Variants in PCDH7 observed in about 807,000 individuals in gnomAD.
PCDH7 encodes the protein protocadherin-7.
PCDH7 carries 17 observed loss-of-function variants against 58.9 expected under a neutral mutation model. The observed-to-expected ratio is 0.29, with a 90% CI of 0.20 to 0.43. The LOEUF is 0.43. Among genes scored for constraint, PCDH7 ranks in the 20% least tolerant of loss-of-function variants. The probability of loss-of-function intolerance (pLI) is 1.00; values close to 1 mark genes in which losing one functional copy is unlikely to be tolerated. For synonymous variants in PCDH7, 664 were observed against 616.4 expected, an observed-to-expected ratio of 1.08 and a Z score of -1.14; for missense variants, 1,274 against 1,441.0, an observed-to-expected ratio of 0.88 and a Z score of 1.88.
At chr4:30,744,317 A>G (rs1021100678) in intron 1 of PCDH7, among the ~76,000 whole-genome samples, 9 of 152,352 alleles carry the variant, frequency 5.9e-5, no homozygotes, top group Non-Finnish European at 1.2e-4. Flanking sequence ...TCCTTGATTC[A>G]TATAACTAAA....
At chr4:31,019,676 A>G (rs1753879591) in intron 3 of PCDH7, among the ~76,000 whole-genome samples, 1 of 151,260 alleles carries the variant, frequency 6.6e-6, no homozygotes, top group Non-Finnish European at 1.5e-5. Flanking sequence ...GGACAGAGCG[A>G]GACTCTGTCA....
chr4:30,960,112 GGGAAGGAAGGAA>G (rs796354089), intron 3 of PCDH7, among the ~76,000 whole-genome samples: 7 of 65,796 alleles, frequency 1.1e-4, no homozygotes, highest in South Asian at 7.8e-4. Context: ...AAAGGAAGGA[GGGAAGGAAGGAA>G]GGAAGGAAGG....
intron 2 of PCDH7, among the ~76,000 whole-genome samples, chr4:30,942,544 C>T (rs943713693): frequency 6.6e-6 from 1 of 152,060 alleles, no homozygotes; most frequent in South Asian, 2.1e-4. Flanking sequence ...ATCTGAGGAC[C>T]TCAAAGACTT....
intron 3 of PCDH7, among the ~76,000 whole-genome samples, chr4:31,001,545 C>T (rs923608288): frequency 6.6e-6 from 1 of 151,692 alleles, no homozygotes; most frequent in African/African-American, 2.4e-5. Context: ...ACCATCATAC[C>T]CACACACACA....
At chr4:30,977,682 T>TA (rs1313540997) in intron 3 of PCDH7, among the ~76,000 whole-genome samples, 7 of 152,032 alleles carry the variant, frequency 4.6e-5, no homozygotes, top group African/African-American at 7.2e-5. Context: ...TTGGAGCTCC[T>TA]ATTATTCATT....
intron 1 of PCDH7, among the ~76,000 whole-genome samples, chr4:30,744,785 C>T (rs1717552779): frequency 6.6e-6 from 1 of 152,158 alleles, no homozygotes; most frequent in South Asian, 2.1e-4. Context: ...TCACATTCCT[C>T]CTTTACATTT....
intron 3 of PCDH7, among the ~76,000 whole-genome samples, chr4:30,954,873 C>T (rs900251846): frequency 1.8e-4 from 28 of 152,136 alleles, no homozygotes; most frequent in African/African-American, 6.7e-4. Context: ...TCCTCAGCTG[C>T]AAAATAAGGA....
chr4:31,028,365 A>G (rs557085716), intron 3 of PCDH7, among the ~76,000 whole-genome samples: 6 of 152,266 alleles, frequency 3.9e-5, no homozygotes, highest in South Asian at 4.1e-4. Context: ...AGAATAGAGG[A>G]AGTTAAGTGT....
intron 3 of PCDH7, among the ~76,000 whole-genome samples, chr4:31,063,144 C>A (rs1170973858): frequency 6.6e-6 from 1 of 151,712 alleles, no homozygotes; most frequent in Non-Finnish European, 1.5e-5. Flanking sequence ...GTTGAGATAC[C>A]TCCAGATAGA....
chr4:30,994,743 A>G (rs1418435478), intron 3 of PCDH7, among the ~76,000 whole-genome samples: 1 of 152,172 alleles, frequency 6.6e-6, no homozygotes, highest in Non-Finnish European at 1.5e-5. Flanking sequence ...AAAAATCACT[A>G]TCCTTTATTA....
chr4:30,919,290 ATTTAT>A (rs146974123), intron 1 of PCDH7, among the ~76,000 whole-genome samples: 10,298 of 152,044 alleles, frequency 0.068, 433 homozygotes, highest in East Asian at 0.14. Context: ...AATGAGCCTA[ATTTAT>A]TTTAATTTAT....
At chr4:30,850,447 T>C (rs890608139) in intron 1 of PCDH7, among the ~76,000 whole-genome samples, 1 of 152,118 alleles carries the variant, frequency 6.6e-6, no homozygotes. Context: ...TTTCATCTCA[T>C]ATTATACATG....
At chr4:30,833,072 G>T (rs189165481) in intron 1 of PCDH7, among the ~76,000 whole-genome samples, 1 of 152,196 alleles carries the variant, frequency 6.6e-6, no homozygotes, top group African/African-American at 2.4e-5. Flanking sequence ...ATTAAGGATG[G>T]GAATATTCAA....
chr4:30,792,594 G>A lies in PCDH7; in HGVS notation c.70+67998G>A, dbSNP rs562544803. Among the ~76,000 whole-genome samples, 26 of 152,186 alleles carry A rather than the reference G, an allele frequency of 1.7e-4. No homozygotes were observed. In the East Asian group the frequency reaches 3.7e-3, roughly 22 times the overall value. Reference sequence around the variant, plus strand: ...ATGAACGTCTTAGCCTATATGGTTCGATGTTAGGGGAAAAATTAACATTTC... The same window carrying A: ...ATGAACGTCTTAGCCTATATGGTTCAATGTTAGGGGAAAAATTAACATTTC... On this transcript the variant is annotated intron_variant, in intron 1 of 3. Transcript: ENST00000509759.
chr4:31,014,590 A>G (rs2109157767), intron 3 of PCDH7, among the ~76,000 whole-genome samples: 1 of 152,304 alleles, frequency 6.6e-6, no homozygotes, highest in East Asian at 1.9e-4. Flanking sequence ...GCAATTCCAC[A>G]TCGATTTTTA....
At chr4:31,012,158 C>CTACATCCA (rs1753240264) in intron 3 of PCDH7, among the ~76,000 whole-genome samples, 2 of 151,994 alleles carry the variant, frequency 1.3e-5, no homozygotes, top group Non-Finnish European at 1.5e-5. Context: ...AAGAAAAAAG[C>CTACATCCA]TACATCCATC....
chr4:31,017,770 C>G (rs1029221783), intron 3 of PCDH7, among the ~76,000 whole-genome samples: 1 of 151,964 alleles, frequency 6.6e-6, no homozygotes, highest in African/African-American at 2.4e-5. Context: ...AGATAAAGAA[C>G]TCTTTTTAGA....
intron 3 of PCDH7, among the ~76,000 whole-genome samples, chr4:31,110,894 G>C (rs1716211285): frequency 6.7e-6 from 1 of 149,356 alleles, no homozygotes; most frequent in African/African-American, 2.5e-5. Context: ...CCGCCTGGAT[G>C]ACAGAGCGAG....
In PCDH7 at chr4:31,142,457, TCTC is replaced by T. The variant is rs764362289; in HGVS notation, c.*8-13_*8-11del. 12 of 1,362,332 alleles carry T rather than the reference TCTC, an allele frequency of 8.8e-6. No homozygotes were observed. The highest frequency in any genetic ancestry group is 4.2e-4 in the Middle Eastern group (2 of 4,708). The allele number at this position is 1,362,332 out of a possible 1,614,324, so 84.4% of individuals were successfully genotyped here. A position where few individuals can be genotyped will look rare whatever the true frequency, so the allele number is the denominator to read the frequency against. ...GGAGTGTCAAATACTAATGGCTTATTCTCCTTGGATTTCAGATTCAAGGCCTCT... is the reference window on the plus strand; with the variant it reads ...GGAGTGTCAAATACTAATGGCTTATTCTTGGATTTCAGATTCAAGGCCTCT... On this transcript the variant is annotated splice_polypyrimidine_tract_variant and intron_variant, in intron 3 of 3. Transcript: ENST00000509759.
Sources: gnomAD v4.1 joint callset for allele counts (sites outside exome capture counted in the v4.1 genomes callset) on GRCh38, gnomAD v4.1.1 for gene constraint, MANE v1.5 for transcripts, NCBI Gene and HGNC (gene_info 2026-07-23, HGNC 2026-07-21) for gene names.